RASAL3: variants seen among roughly 807,000 people sequenced by gnomAD.
RASAL3 encodes RAS protein activator like-3.
RASAL3 carries 74 observed loss-of-function variants against 105.5 expected under a neutral mutation model. The observed-to-expected ratio is 0.70, with a 90% CI of 0.58 to 0.85. RASAL3 has a LOEUF of 0.85. RASAL3 is among the 40% of genes least tolerant of loss of function. The pLI is 0.00. For missense variants in RASAL3, 1,352 were observed against 1,392.0 expected (o/e 0.97, Z 0.46); for synonymous variants, 579 against 591.6 (o/e 0.98, Z 0.31).
At chr19:15,460,110 G>C in intron 6 of RASAL3, 93 bp downstream of exon 6, 1 of 1,051,420 alleles carries the variant, frequency 9.5e-7, no homozygotes, top group Non-Finnish European at 1.4e-6. Flanking sequence ...GGCCACAGGG[G>C]GTGTTTGGTG....
Position 15,452,745 on chromosome 19 carries a change from GAC to G in RASAL3, c.2739_2740del (p.Glu913AspfsTer35). The stretch of plus-strand genomic sequence containing the variant: ...CAAGGCCCGGATTTGGGTGCTCAGC[GAC>G]TCCACGAGGCGGGACAGCACTTTCT... On this transcript the variant is annotated frameshift_variant, in exon 16 of 18. Coordinates refer to ENST00000343625, the MANE Select transcript of RASAL3 (RefSeq NM_022904.3). LOFTEE classifies it high-confidence loss of function. 6.4e-7 allele frequency: 1 copy of G among 1,560,610 alleles called. No homozygotes were observed. Among genetic ancestry groups the G allele is most frequent in the Non-Finnish European group, 8.7e-7 (1 of 1,152,048 alleles).
Position 15,457,751 on chromosome 19 carries a change from G to T in RASAL3, c.972C>A (p.Pro324=). Residue 324 remains proline, a synonymous_variant, in exon 9 of 18, where the codon CCC becomes CCA. Transcript: ENST00000343625. The surrounding 1 kb of genome is among the most constrained non-coding windows in gnomAD (Gnocchi z 8.6). ...CCAGCCACAGCTCGGCGCGCACGCC[G>T]GGTGCCCCCGCCGCTGCTCGGGGAA... is the stretch of plus-strand genomic sequence containing the variant. The part of the protein sequence containing the change: ...KGLPRAAAGA[P]GVRAELWLDG... 6.5e-7 allele frequency: 1 copy of T among 1,543,950 alleles called. No individual in the cohort carries two copies. Among genetic ancestry groups the T allele is most frequent in the Non-Finnish European group, 8.7e-7 (1 of 1,144,884 alleles).
intron 2 of RASAL3, among the ~76,000 whole-genome samples, chr19:15,462,674 C>T (rs896748203): frequency 4.7e-4 from 71 of 151,414 alleles, no homozygotes; most frequent in African/African-American, 1.6e-3. Context: ...GGCCTGGGGC[C>T]GGGCGCGGTG....
Position 15,453,450 on chromosome 19 carries a change from G to A in RASAL3, c.2327C>T (p.Pro776Leu). ...CTTGGAGATGAGAGGGGTGTGCTTG[G>A]GGAGGTCCCGGGGGGCCAGGAAGCC... ...KPGFLAPRDLPKHTPLISKSQ... is the reference protein window; with the variant it reads ...KPGFLAPRDLLKHTPLISKSQ... The change falls in exon 15 of 18, where the codon CCC (proline) becomes CTC (leucine). Residue 776 changes from proline (P) to leucine (L), a missense_variant. Around this residue, in one of 3 missense-constraint regions of RASAL3, gnomAD observed 920 missense variants for 919.6 expected, o/e 1.00. Transcript: ENST00000343625. This position sits in a 1 kb window ranked among gnomAD's most constrained non-coding sequence, Gnocchi z 4.2. 1 of 1,545,082 alleles carries A rather than the reference G, an allele frequency of 6.5e-7. No homozygotes were observed. Among genetic ancestry groups the A allele is most frequent in the Non-Finnish European group, 8.6e-7 (1 of 1,156,556 alleles).
Position 15,461,581 on chromosome 19 carries a change from G to T in RASAL3, c.355C>A (p.Pro119Thr). 2.0e-6 allele frequency: 3 copies of T among 1,530,534 alleles called. No individual in the cohort carries two copies. Among genetic ancestry groups the T allele is most frequent in the Middle Eastern group, 1.7e-4 (1 of 5,828 alleles). The allele number at this position is 1,530,534 out of a possible 1,614,324, so 94.8% of individuals were successfully genotyped here. A position where few individuals can be genotyped will look rare whatever the true frequency, so the allele number is the denominator to read the frequency against. ...GCCTCAGGGATCTGTGGGGTAGGGG[G>T]CTCCAGCTCTGGCTCCGGCTCCAGC... ...PELEPEPELE[P>T]PTPQIPEAPT... is the part of the protein sequence containing the mutation. Residue 119 changes from proline (P) to threonine (T), a missense_variant, in exon 3 of 18, where the codon CCC (proline) becomes ACC (threonine). Physicochemically the swap from Pro to Thr is conservative, Grantham distance 38. Around this residue, in one of 3 missense-constraint regions of RASAL3, gnomAD observed 344 missense variants for 339.6 expected, o/e 1.01. Transcript: ENST00000343625.
At chr19:15,461,369 G>A in intron 3 of RASAL3, 73 bp from the exon 4 acceptor site, 1 of 1,539,318 alleles carries the variant, frequency 6.5e-7, no homozygotes, top group Non-Finnish European at 8.8e-7. Context: ...CCGAGGGAGA[G>A]GCAGACACCT....
At position 15,457,869 on chromosome 19, in the gene RASAL3, G is replaced by A; in HGVS notation, c.889-35C>T. ...GGAGTGGGATGGGGGGAAGCGTTTT[G>A]GTTTGTTGGCACCCCAAAGAAGGCA... is the stretch of plus-strand genomic sequence containing the variant. On this transcript the variant is annotated intron_variant, in intron 8 of 17. Transcript: ENST00000343625. This position sits in a 1 kb window ranked among gnomAD's most constrained non-coding sequence, Gnocchi z 8.6. 1 of 1,544,606 alleles carries A rather than the reference G, an allele frequency of 6.5e-7. No homozygotes were observed. The highest frequency in any genetic ancestry group is 8.7e-7 in the Non-Finnish European group (1 of 1,145,070).
At chr19:15,454,063 A>G (rs935667668) in intron 14 of RASAL3, 86 bp downstream of exon 14, 6 of 977,386 alleles carry the variant, frequency 6.1e-6, no homozygotes, top group Non-Finnish European at 9.2e-6. Context: ...TCTGCTCACA[A>G]TGATCCAACT....
In RASAL3 at chr19:15,457,967, G is replaced by T; in HGVS notation, c.889-133C>A. ...GGAGATTGCTGGGCCTTTGGGGAAA[G>T]AAGTGGAGCCACGGGAGTCCGGAGG... is the stretch of plus-strand genomic sequence containing the variant. On this transcript the variant is annotated intron_variant, in intron 8 of 17. Transcript: ENST00000343625. This position sits in a 1 kb window ranked among gnomAD's most constrained non-coding sequence, Gnocchi z 8.6. 9.3e-7 allele frequency: 1 copy of T among 1,071,622 alleles called. No homozygotes were observed. The highest frequency in any genetic ancestry group is 1.3e-6 in the Non-Finnish European group (1 of 752,226). 66.4% of individuals were successfully genotyped at this position (1,071,622 alleles called of 1,614,324 possible).
In RASAL3 at chr19:15,452,763, AG is replaced by A; in HGVS notation, c.2722del (p.Leu908CysfsTer8). ...VAALREEQKVLSRLVESLSTQ... is the reference protein window; with the variant it reads ...VAALREEQKVXSRLVESLSTQ... Reference sequence around the variant, plus strand: ...GCTCAGCGACTCCACGAGGCGGGACAGCACTTTCTGCTCCTCACGCAGAGCG... The same window carrying A: ...GCTCAGCGACTCCACGAGGCGGGACACACTTTCTGCTCCTCACGCAGAGCG... On this transcript the variant is annotated frameshift_variant, in exon 16 of 18. Coordinates refer to ENST00000343625, the MANE Select transcript of RASAL3 (RefSeq NM_022904.3). LOFTEE classifies it high-confidence loss of function. The A allele has an allele frequency of 6.4e-7, 1 of 1,563,584 alleles. No homozygotes were observed. Among genetic ancestry groups the A allele is most frequent in the East Asian group, 2.4e-5 (1 of 41,982 alleles).
Position 15,452,047 on chromosome 19 carries a change from G to C in RASAL3, c.2890C>G (p.Leu964Val), listed in dbSNP as rs1478873274. 1 of 1,613,820 alleles carries C rather than the reference G, an allele frequency of 6.2e-7. No homozygotes were observed. The highest frequency in any genetic ancestry group is 8.5e-7 in the Non-Finnish European group (1 of 1,179,866). ...TSNEGHSLKN[L>V]EHRLNEMERT... ...CAGGGCTCAGATGGCAATCTCACCAGGTTTTTCAGACTGTGCCCTTCATTG... is the reference window on the plus strand; with the variant it reads ...CAGGGCTCAGATGGCAATCTCACCACGTTTTTCAGACTGTGCCCTTCATTG... The change falls in exon 17 of 18, where the codon CTG becomes GTG. Residue 964 changes from leucine (L) to valine (V), a missense_variant and splice_region_variant. This residue lies in a region of RASAL3 where 920 missense variants were observed against 919.6 expected (regional missense o/e 1.00). Transcript: ENST00000343625.
At chr19:15,454,060 A>T in intron 14 of RASAL3, 89 bp downstream of exon 14, 1 of 948,434 alleles carries the variant, frequency 1.1e-6, no homozygotes, top group African/African-American at 1.7e-5. Flanking sequence ...ACCTCTGCTC[A>T]CAATGATCCA....
rs1970332481 is a variant in RASAL3 at position 15,456,703 on chromosome 19, G to A, written c.1432-57C>T. 2.5e-6 allele frequency: 4 copies of A among 1,572,452 alleles called. No homozygotes were observed. Among genetic ancestry groups the A allele is most frequent in the Non-Finnish European group, 3.4e-6 (4 of 1,162,392 alleles). On this transcript the variant is annotated intron_variant, in intron 9 of 17. Coordinates refer to ENST00000343625, the MANE Select transcript of RASAL3 (RefSeq NM_022904.3). The surrounding 1 kb of genome is among the most constrained non-coding windows in gnomAD (Gnocchi z 4.4). ...ATGCAGACAGAGTCCAAGGGAATTC[G>A]GATCCTTGGCTGGTCCCTCACACCA...
rs1356622983 is a variant in RASAL3, at chr19:15,453,519, T to G, written c.2280-22A>C. 6.7e-7 allele frequency: 1 copy of G among 1,495,870 alleles called. No homozygotes were observed. The highest frequency in any genetic ancestry group is 1.5e-5 in the African/African-American group (1 of 68,226). 92.7% of individuals were successfully genotyped at this position (1,495,870 alleles called of 1,614,324 possible). A position where few individuals can be genotyped will look rare whatever the true frequency, so the allele number is the denominator to read the frequency against. ...GAGGCTAGGGGTGGGATGGAGGATC[T>G]TAGACCCTCCACTGGCCCCTGAGAC... is the stretch of plus-strand genomic sequence containing the variant. On this transcript the variant is annotated intron_variant, in intron 14 of 17. Transcript: ENST00000343625. This position sits in a 1 kb window ranked among gnomAD's most constrained non-coding sequence, Gnocchi z 4.2.
Position 15,451,808 on chromosome 19 carries a change from C to T in RASAL3, c.3023G>A (p.Gly1008Glu), listed in dbSNP as rs374820624. The change falls in exon 18 of 18, where the codon GGA becomes GAA. Residue 1008 changes from glycine (G) to glutamate (E), a missense_variant. By Grantham distance (98) the Gly-to-Glu change is moderately conservative. Around this residue, in one of 3 missense-constraint regions of RASAL3, gnomAD observed 920 missense variants for 919.6 expected, o/e 1.00. Transcript: ENST00000343625. ...PQPLKAPCLN[G>E]DTT ...AGGATGGGCAGCTCAGGTGGTGTCT[C>T]CATTGAGGCAGGGTGCTTTGAGGGG... 9 of 1,598,204 alleles carry T rather than the reference C, an allele frequency of 5.6e-6. No homozygotes were observed. Among genetic ancestry groups the T allele is most frequent in the African/African-American group, 1.3e-5 (1 of 74,668 alleles).
chr19:15,454,784 G>T lies in RASAL3; in HGVS notation c.1831C>A (p.Arg611=), dbSNP rs751476764. The T allele has an allele frequency of 2.5e-6, 4 of 1,600,548 alleles. No homozygotes were observed. The highest frequency in any genetic ancestry group is 1.1e-5 in the South Asian group (1 of 89,078). Reference sequence around the variant, plus strand: ...GCCAGGATGGCAGGGCACAGGAGCCGCAGGAAGAGGGAGGCGCACACCAGT... The same window carrying T: ...GCCAGGATGGCAGGGCACAGGAGCCTCAGGAAGAGGGAGGCGCACACCAGT... The part of the protein sequence containing the change: ...PRLVCASLFL[R]LLCPAILAPS... The change falls in exon 12 of 18, where the codon CGG becomes AGG. Residue 611 remains arginine, a synonymous_variant. Transcript: ENST00000343625.
chr19:15,452,081 G>A lies in RASAL3; in HGVS notation c.2856C>T (p.Asn952=). 1 of 1,613,914 alleles carries A rather than the reference G, an allele frequency of 6.2e-7. No homozygotes were observed. The highest frequency in any genetic ancestry group is 8.5e-7 in the Non-Finnish European group (1 of 1,179,858). Residue 952 remains asparagine, a synonymous_variant, in exon 17 of 18, where the codon AAC becomes AAT. Transcript: ENST00000343625. ...GACTGTGCCCTTCATTGCTTGTTAG[G>A]TTGTGCTCTGAATCAAACTCTGAGC... is the stretch of plus-strand genomic sequence containing the variant. The part of the protein sequence containing the change: ...AGSSEFDSEH[N]LTSNEGHSLK...
chr19:15,458,413 C>T lies in RASAL3; in HGVS notation c.803G>A (p.Gly268Asp). The T allele has an allele frequency of 6.2e-7, 1 of 1,613,848 alleles. No individual in the cohort carries two copies. Among genetic ancestry groups the T allele is most frequent in the Non-Finnish European group, 8.5e-7 (1 of 1,179,828 alleles). Reference protein sequence around the residue: ...EPHCFQVTWTGGSRCFSCRSA... With the variant: ...EPHCFQVTWTDGSRCFSCRSA... ...GCGACAAGAGAAGCAGCGGCTTCCA[C>T]CCGTCCAGGTTACCTGTTGGGATGG... The change falls in exon 8 of 18, where the codon GGT (glycine) becomes GAT (aspartate). Residue 268 changes from glycine (G) to aspartate (D), a missense_variant. Gly to Asp is a moderately conservative substitution (Grantham distance 94). Transcript: ENST00000343625.
chr19:15,455,967 T>A, intron 11 of RASAL3, 137 bp downstream of exon 11: 1 of 1,021,136 alleles, frequency 9.8e-7, no homozygotes. Flanking sequence ...AGTAATTTTT[T>A]AGTATAAGCA....
Sources: gnomAD v4.1 joint callset for allele counts (sites outside exome capture counted in the v4.1 genomes callset) on GRCh38, gnomAD v4.1.1 for gene constraint, gnomAD v4.1.1 regional missense constraint, Gnocchi (gnomAD v3.1) non-coding constraint, MANE v1.5 for transcripts, NCBI Gene and HGNC (gene_info 2026-07-23, HGNC 2026-07-21) for gene names.